Variants in LHFPL3 observed in about 807,000 individuals in gnomAD.
LHFPL3 encodes the protein LHFPL tetraspan subfamily member 3.
LHFPL3 carries 5 observed loss-of-function variants against 19.3 expected under a neutral mutation model. The observed-to-expected ratio is 0.26, with a 90% CI of 0.14 to 0.54. The LOEUF (loss-of-function observed/expected upper bound fraction) is 0.54. Among genes scored for constraint, LHFPL3 ranks in the 20% least tolerant of loss-of-function variants. The probability of loss-of-function intolerance (pLI) is 0.94; values close to 1 mark genes in which losing one functional copy is unlikely to be tolerated. For synonymous variants in LHFPL3, 133 were observed against 126.2 expected, an observed-to-expected ratio of 1.05 and a Z score of -0.36; for missense variants, 249 against 307.4, an observed-to-expected ratio of 0.81 and a Z score of 1.42.
intron 2 of LHFPL3, among the ~76,000 whole-genome samples, chr7:104,905,861 C>A (rs964479127): frequency 3.9e-5 from 6 of 152,218 alleles, no homozygotes; most frequent in African/African-American, 1.2e-4. Flanking sequence ...TCAAGTGACA[C>A]ATTTTTCCAT....
At chr7:104,616,812 AAAC>A (rs1791353878) in intron 1 of LHFPL3, among the ~76,000 whole-genome samples, 1 of 152,174 alleles carries the variant, frequency 6.6e-6, no homozygotes, top group Admixed American at 6.5e-5. Flanking sequence ...ACAGGAAAAA[AAAC>A]AATCCCATCA....
Position 104,329,091 on chromosome 7 carries a change from C to T in LHFPL3, c.312C>T (p.Ala104=). 6.2e-7 allele frequency: 1 copy of T among 1,614,090 alleles called. No homozygotes were observed. Residue 104 remains alanine (A), a synonymous_variant, in exon 1 of 3, where the codon GCC becomes GCT. Transcript: ENST00000424859. ...FTDFSTLPSG[A]FKAASFFIGL... Reference sequence around the variant, plus strand: ...ACTTCTCCACGCTGCCCTCGGGCGCCTTCAAAGCCGCCTCCTTCTTTATCG... The same window carrying T: ...ACTTCTCCACGCTGCCCTCGGGCGCTTTCAAAGCCGCCTCCTTCTTTATCG...
At chr7:104,787,114 C>T (rs1168135372) in intron 2 of LHFPL3, among the ~76,000 whole-genome samples, 1 of 152,176 alleles carries the variant, frequency 6.6e-6, no homozygotes, top group Admixed American at 6.5e-5. Flanking sequence ...GGACTGTTCT[C>T]ATAGTTGCAT....
chr7:104,848,057 C>T (rs1791344495), intron 2 of LHFPL3, among the ~76,000 whole-genome samples: 1 of 152,092 alleles, frequency 6.6e-6, no homozygotes, highest in Non-Finnish European at 1.5e-5. Flanking sequence ...TGTTCTAATG[C>T]GCTGGACAAA....
intron 1 of LHFPL3, among the ~76,000 whole-genome samples, chr7:104,430,407 T>C (rs1247346891): frequency 2.7e-5 from 1 of 36,392 alleles, no homozygotes; most frequent in Non-Finnish European, 4.3e-5. Context: ...TATATATACA[T>C]ATATATATAT....
chr7:104,421,182 CTAT>C lies in LHFPL3; in HGVS notation c.445+91963_445+91965del, dbSNP rs1185967002. Among the ~76,000 whole-genome samples, 6 of 152,238 alleles carry C rather than the reference CTAT, an allele frequency of 3.9e-5. No homozygotes were observed. The East Asian group carries it at 1.2e-3, about 29-fold the overall frequency. ...AGAAAGGATGAAATTAGAAAATGAC[CTAT>C]TATTGAAATTTATCAAAAAAGGAAA... On this transcript the variant is annotated intron_variant, in intron 1 of 2. Transcript: ENST00000424859.
At chr7:104,378,593 A>G (rs1014212335) in intron 1 of LHFPL3, among the ~76,000 whole-genome samples, 1 of 152,156 alleles carries the variant, frequency 6.6e-6, no homozygotes, top group Non-Finnish European at 1.5e-5. Flanking sequence ...TGATAAGTGC[A>G]TGTTTTAACT....
intron 2 of LHFPL3, among the ~76,000 whole-genome samples, chr7:104,791,722 C>T (rs908525447): frequency 6.6e-6 from 1 of 152,070 alleles, no homozygotes; most frequent in African/African-American, 2.4e-5. Flanking sequence ...AGGAGAGATT[C>T]GGATTTTCAG....
At chr7:104,444,994 A>G (rs1562899572) in intron 1 of LHFPL3, among the ~76,000 whole-genome samples, 2 of 152,060 alleles carry the variant, frequency 1.3e-5, no homozygotes, top group South Asian at 4.1e-4. Flanking sequence ...GTCTCCAAAA[A>G]AAAAAAAGAA....
Position 104,659,825 on chromosome 7 carries a change from A to G in LHFPL3, c.446-76850A>G, listed in dbSNP as rs1792190912. On this transcript the variant is annotated intron_variant, in intron 1 of 2. Transcript: ENST00000424859. ...TCTTGCTTTAATCTGGCTTAACCAC[A>G]AATCCTATTTCTGAGCCAACTAGTC... is the stretch of plus-strand genomic sequence containing the variant. 3.3e-5 allele frequency among the ~76,000 whole-genome samples: 5 copies of G among 152,258 alleles called. No homozygotes were observed. The South Asian group carries it at 1.0e-3, about 32-fold the overall frequency.
At chr7:104,424,370 C>T (rs1053486976) in intron 1 of LHFPL3, among the ~76,000 whole-genome samples, 4 of 152,174 alleles carry the variant, frequency 2.6e-5, no homozygotes, top group African/African-American at 9.7e-5. Flanking sequence ...GAAAGGCCTT[C>T]CACCGAGGTA....
intron 1 of LHFPL3, among the ~76,000 whole-genome samples, chr7:104,630,430 G>C (rs149912457): frequency 9.9e-5 from 15 of 152,240 alleles, no homozygotes; most frequent in African/African-American, 3.6e-4. Context: ...GTGCAGGGTA[G>C]CGTGCAGATT....
chr7:104,569,806 G>T (rs1489832558), intron 1 of LHFPL3, among the ~76,000 whole-genome samples: 1 of 152,080 alleles, frequency 6.6e-6, no homozygotes. Context: ...TGAGTAACTT[G>T]CCCCAGGTCA....
intron 1 of LHFPL3, among the ~76,000 whole-genome samples, chr7:104,542,098 G>A (rs556866503): frequency 6.6e-6 from 1 of 152,010 alleles, no homozygotes; most frequent in East Asian, 1.9e-4. Context: ...TCAATTCACA[G>A]GGCTCTCCTT....
chr7:104,519,713 T>C (rs933752919), intron 1 of LHFPL3, among the ~76,000 whole-genome samples: 1 of 152,168 alleles, frequency 6.6e-6, no homozygotes, highest in African/African-American at 2.4e-5. Context: ...AATGACTGTT[T>C]TGACTATTAA....
chr7:104,817,279 G>T (rs1376574538), intron 2 of LHFPL3, among the ~76,000 whole-genome samples: 1 of 152,146 alleles, frequency 6.6e-6, no homozygotes, highest in Non-Finnish European at 1.5e-5. Flanking sequence ...TATGTGTTGA[G>T]CAAAGGCTCA....
At chr7:104,884,754 T>C (rs1421759978) in intron 2 of LHFPL3, among the ~76,000 whole-genome samples, 1 of 152,134 alleles carries the variant, frequency 6.6e-6, no homozygotes, top group African/African-American at 2.4e-5. Flanking sequence ...GTGGGTTGAG[T>C]ATTTGAAGAA....
rs550423852 is a variant in LHFPL3 at position 104,829,567 on chromosome 7, G to T, written c.683-76620G>T. Among the ~76,000 whole-genome samples the T allele has an allele frequency of 6.4e-3, 977 of 151,658 alleles. 17 individuals carry two copies. Among genetic ancestry groups the T allele is most frequent in the African/African-American group, 0.022 (923 of 41,064 alleles). On this transcript the variant is annotated intron_variant, in intron 2 of 2. Transcript: ENST00000424859. Reference sequence around the variant, plus strand: ...CATTGTTCAGTTCCCACCTATGAGTGAGAACATGTGGTGTTTGGTTTTTTG... The same window carrying T: ...CATTGTTCAGTTCCCACCTATGAGTTAGAACATGTGGTGTTTGGTTTTTTG...
chr7:104,791,645 G>T (rs750336158), intron 2 of LHFPL3, among the ~76,000 whole-genome samples: 1 of 152,064 alleles, frequency 6.6e-6, no homozygotes, highest in Non-Finnish European at 1.5e-5. Flanking sequence ...TGGAACTGCC[G>T]GTTGCCTGGC....
Sources: gnomAD v4.1 joint callset for allele counts (sites outside exome capture counted in the v4.1 genomes callset) on GRCh38, gnomAD v4.1.1 for gene constraint, MANE v1.5 for transcripts, NCBI Gene and HGNC (gene_info 2026-07-23, HGNC 2026-07-21) for gene names.